KIF26B: variants seen among roughly 807,000 people sequenced by gnomAD.
KIF26B encodes the protein kinesin-like protein KIF26B.
KIF26B carries 63 observed loss-of-function variants against 151.2 expected under a neutral mutation model. That is an observed-to-expected ratio of 0.42 (90% CI 0.34 to 0.51). KIF26B has a LOEUF of 0.51. Ranked by LOEUF, KIF26B falls within the 20% of genes least tolerant of loss-of-function variation. The pLI is 0.07. For missense variants in KIF26B, 2,813 were observed against 2,913.6 expected (o/e 0.97, Z 0.79); for synonymous variants, 1,357 against 1,262.1 (o/e 1.08, Z -1.59).
chr1:245,247,673 A>G (rs750454455), intron 2 of KIF26B, among the ~76,000 whole-genome samples: 4 of 152,194 alleles, frequency 2.6e-5, no homozygotes, highest in Non-Finnish European at 5.9e-5. Context: ...AGGGTCCTGA[A>G]GGCTGGAAAC....
At chr1:245,345,083 C>G (rs1672420267) in intron 2 of KIF26B, among the ~76,000 whole-genome samples, 1 of 152,188 alleles carries the variant, frequency 6.6e-6, no homozygotes, top group African/African-American at 2.4e-5. Flanking sequence ...ATTTTCTTCT[C>G]TTGCATTCTC....
At chr1:245,409,136 C>T (rs1424410846) in intron 3 of KIF26B, among the ~76,000 whole-genome samples, 1 of 152,224 alleles carries the variant, frequency 6.6e-6, no homozygotes, top group Non-Finnish European at 1.5e-5. Context: ...TGAGATCCAG[C>T]ATACCTGCAA....
At chr1:245,292,140 C>T (rs921568689) in intron 2 of KIF26B, among the ~76,000 whole-genome samples, 23 of 152,312 alleles carry the variant, frequency 1.5e-4, no homozygotes, top group African/African-American at 5.3e-4. Flanking sequence ...ACACTCTACC[C>T]AGCGGGGTGT....
In KIF26B at chr1:245,702,700, A is replaced by G. The variant is rs2044788954; in HGVS notation, c.*94A>G. 6 of 1,376,862 alleles carry G rather than the reference A, an allele frequency of 4.4e-6. No homozygotes were observed. In the South Asian group the frequency reaches 9.1e-5, roughly 21 times the overall value. The allele number at this position is 1,376,862 out of a possible 1,614,324, so 85.3% of individuals were successfully genotyped here. On this transcript the variant is annotated 3_prime_UTR_variant, in exon 15 of 15. Coordinates refer to ENST00000407071, the MANE Select transcript of KIF26B (RefSeq NM_018012.4). The surrounding 1 kb of genome is among the most constrained non-coding windows in gnomAD (Gnocchi z 4.1). The stretch of plus-strand genomic sequence containing the variant: ...CCCTCTGTGCTGGGGCATCAAAGAC[A>G]ATGAATGAGGATGAAGGTTGGTGGC...
At chr1:245,567,247 T>G (rs1162368683) in intron 5 of KIF26B, among the ~76,000 whole-genome samples, 1 of 152,228 alleles carries the variant, frequency 6.6e-6, no homozygotes. Context: ...GACTGTGACA[T>G]GCTAGCATTC....
At chr1:245,439,346 C>CAAAAAAAAAAAAAAAAAA (rs777808376) in intron 4 of KIF26B, among the ~76,000 whole-genome samples, 7 of 131,716 alleles carry the variant, frequency 5.3e-5, no homozygotes, top group Non-Finnish European at 6.3e-5. Flanking sequence ...GACCCTGTCT[C>CAAAAAAAAAAAAAAAAAA]AAAAAAAAAA....
intron 2 of KIF26B, chr1:245,283,030 A>G: frequency 4.0e-6 from 1 of 247,302 alleles, no homozygotes; most frequent in Non-Finnish European, 8.6e-6. Context: ...TGCAACACCT[A>G]ATGGCCTGCA....
chr1:245,460,743 G>A (rs778574616), intron 4 of KIF26B, among the ~76,000 whole-genome samples: 21 of 152,326 alleles, frequency 1.4e-4, no homozygotes, highest in Middle Eastern at 3.4e-3. Context: ...GTGCATGCCC[G>A]TGTATCGGTG....
intron 2 of KIF26B, among the ~76,000 whole-genome samples, chr1:245,246,924 G>A (rs867458541): frequency 7.1e-6 from 1 of 141,834 alleles, no homozygotes; most frequent in Non-Finnish European, 1.5e-5. Flanking sequence ...GACACACACA[G>A]ACACAGACAC....
At chr1:245,341,282 C>T (rs1238982472) in intron 2 of KIF26B, among the ~76,000 whole-genome samples, 1 of 143,292 alleles carries the variant, frequency 7.0e-6, no homozygotes, top group Non-Finnish European at 1.5e-5. Flanking sequence ...ACTGGAAAAG[C>T]CAAGGGCTTA....
intron 2 of KIF26B, among the ~76,000 whole-genome samples, chr1:245,224,676 A>T (rs1271539094): frequency 6.6e-6 from 1 of 152,264 alleles, no homozygotes; most frequent in East Asian, 1.9e-4. Context: ...TGATTTAAAA[A>T]CATAATGACA....
At chr1:245,311,036 A>G (rs1034531129) in intron 2 of KIF26B, among the ~76,000 whole-genome samples, 2 of 152,134 alleles carry the variant, frequency 1.3e-5, no homozygotes, top group Non-Finnish European at 2.9e-5. Context: ...AGGAATTTCT[A>G]TCAGGAGTCT....
At chr1:245,176,454 T>C (rs1447537431) in intron 2 of KIF26B, among the ~76,000 whole-genome samples, 1 of 152,214 alleles carries the variant, frequency 6.6e-6, no homozygotes, top group Non-Finnish European at 1.5e-5. Context: ...GGGTCTATCA[T>C]GGGATTTAGT....
chr1:245,652,109 TG>T (rs1340515959), intron 10 of KIF26B, among the ~76,000 whole-genome samples: 1 of 51,658 alleles, frequency 1.9e-5, no homozygotes, highest in East Asian at 5.4e-4. Flanking sequence ...AATCTGTGTG[TG>T]TGTGTGTGTG....
chr1:245,363,886 C>G (rs1672878489), intron 2 of KIF26B, among the ~76,000 whole-genome samples: 1 of 152,162 alleles, frequency 6.6e-6, no homozygotes, highest in African/African-American at 2.4e-5. Context: ...GCTCGCTGGG[C>G]TTGCTTTGGC....
At chr1:245,628,903 T>C (rs1429402874) in intron 9 of KIF26B, among the ~76,000 whole-genome samples, 1 of 152,172 alleles carries the variant, frequency 6.6e-6, no homozygotes, top group Admixed American at 6.5e-5. Flanking sequence ...TTCAGCAAAT[T>C]CTCAGGATAC....
chr1:245,492,905 TGAGTAGCTGG>T (rs1660437508), intron 4 of KIF26B, among the ~76,000 whole-genome samples: 1 of 152,116 alleles, frequency 6.6e-6, no homozygotes, highest in Non-Finnish European at 1.5e-5. Flanking sequence ...CTCAGCCTCC[TGAGTAGCTGG>T]GACTACAGGC....
intron 5 of KIF26B, among the ~76,000 whole-genome samples, chr1:245,581,363 G>A (rs1197452284): frequency 6.6e-6 from 1 of 152,154 alleles, no homozygotes; most frequent in Admixed American, 6.5e-5. Flanking sequence ...GGGTTTTGCT[G>A]CAAATATATT....
intron 4 of KIF26B, among the ~76,000 whole-genome samples, chr1:245,513,132 C>T (rs1000452429): frequency 6.6e-6 from 1 of 151,782 alleles, no homozygotes; most frequent in African/African-American, 2.4e-5. Context: ...GGAAGCAACC[C>T]CACCCTCCTC....
Sources: gnomAD v4.1 joint callset for allele counts (sites outside exome capture counted in the v4.1 genomes callset) on GRCh38, gnomAD v4.1.1 for gene constraint, Gnocchi (gnomAD v3.1) non-coding constraint, MANE v1.5 for transcripts, NCBI Gene and HGNC (gene_info 2026-07-23, HGNC 2026-07-21) for gene names.